Variants in BANK1 observed in about 807,000 individuals in gnomAD.
BANK1 encodes B cell scaffold protein with ankyrin repeats 1.
BANK1 carries 95 observed loss-of-function variants against 94.5 expected under a neutral mutation model. The observed-to-expected ratio is 1.00, with a 90% CI of 0.85 to 1.19. The LOEUF (loss-of-function observed/expected upper bound fraction) is 1.19, where lower values mean the gene tolerates loss of function less well. Among genes scored for constraint, BANK1 ranks in the 50% most tolerant of loss-of-function variants. The pLI, the probability that BANK1 is intolerant of heterozygous loss-of-function variation, is 0.00. For synonymous variants in BANK1, 334 were observed against 308.4 expected, an observed-to-expected ratio of 1.08 and a Z score of -0.87; for missense variants, 987 against 932.2, an observed-to-expected ratio of 1.06 and a Z score of -0.77.
At position 101,861,880 on chromosome 4, in the gene BANK1, A is replaced by G. The variant is rs76226678; in HGVS notation, c.625-646A>G. On this transcript the variant is annotated intron_variant, in intron 3 of 16. Coordinates refer to ENST00000322953, the MANE Select transcript of BANK1 (RefSeq NM_017935.5). ...CAATATTTTTTCACAAAGTTATTCAATAACCTTTTTCACCTTATACATTTG... is the reference window on the plus strand; with the variant it reads ...CAATATTTTTTCACAAAGTTATTCAGTAACCTTTTTCACCTTATACATTTG... Among the ~76,000 whole-genome samples, 322 of 152,202 alleles carry G rather than the reference A, an allele frequency of 2.1e-3. 3 individuals carry two copies. In the East Asian group the frequency reaches 0.044, roughly 21 times the overall value.
chr4:101,892,659 T>A (rs1000634961), intron 5 of BANK1, among the ~76,000 whole-genome samples: 1 of 151,980 alleles, frequency 6.6e-6, no homozygotes, highest in African/African-American at 2.4e-5. Flanking sequence ...AGTCTTAGGA[T>A]AAATGTGATT....
At chr4:101,806,488 A>G (rs779022342) in intron 1 of BANK1, among the ~76,000 whole-genome samples, 1 of 152,192 alleles carries the variant, frequency 6.6e-6, no homozygotes, top group Non-Finnish European at 1.5e-5. Flanking sequence ...CTGGATTTGA[A>G]GTTGAATAAG....
intron 6 of BANK1, among the ~76,000 whole-genome samples, chr4:101,913,417 A>C (rs758454573): frequency 4.9e-4 from 75 of 152,270 alleles, no homozygotes; most frequent in Non-Finnish European, 2.8e-4. Context: ...GTGAGATTTA[A>C]TTTTATTTGA....
At chr4:102,014,704 C>G (rs1483372826) in intron 7 of BANK1, among the ~76,000 whole-genome samples, 2 of 152,092 alleles carry the variant, frequency 1.3e-5, no homozygotes, top group African/African-American at 4.8e-5. Context: ...GTATTATACA[C>G]ACAGGAAACA....
At chr4:101,930,793 A>T (rs1038908918) in intron 7 of BANK1, among the ~76,000 whole-genome samples, 1 of 151,522 alleles carries the variant, frequency 6.6e-6, no homozygotes, top group Admixed American at 6.6e-5. Flanking sequence ...TACATGCTTT[A>T]ACATGGCACT....
At chr4:101,984,854 A>C (rs1725430875) in intron 7 of BANK1, among the ~76,000 whole-genome samples, 2 of 152,132 alleles carry the variant, frequency 1.3e-5, no homozygotes, top group Non-Finnish European at 2.9e-5. Context: ...GTTCTGAGAT[A>C]ATGTAATCAC....
intron 6 of BANK1, among the ~76,000 whole-genome samples, chr4:101,901,508 A>G (rs1418314946): frequency 6.6e-6 from 1 of 152,254 alleles, no homozygotes; most frequent in Non-Finnish European, 1.5e-5. Context: ...TATCAGATAA[A>G]TAAGACTGAG....
intron 7 of BANK1, among the ~76,000 whole-genome samples, chr4:101,946,526 C>A (rs972142542): frequency 1.3e-5 from 2 of 151,890 alleles, no homozygotes; most frequent in Admixed American, 1.3e-4. Flanking sequence ...AATGCAGACG[C>A]CTTTTGTTTC....
chr4:101,851,036 T>C (rs1282187026), intron 2 of BANK1, among the ~76,000 whole-genome samples: 1 of 152,112 alleles, frequency 6.6e-6, no homozygotes, highest in Non-Finnish European at 1.5e-5. Context: ...ATCTCTCGCT[T>C]AAAATAAAAA....
rs538462619 is a variant in BANK1 at position 101,790,864 on chromosome 4, C to T, written c.-17C>T. ...GGCGGGCAGCAGTGCGCAGGCCCCT[C>T]GGCTTCAACCGCCACAATGCTGCCA... On this transcript the variant is annotated 5_prime_UTR_variant, in exon 1 of 17. Coordinates refer to ENST00000322953, the MANE Select transcript of BANK1 (RefSeq NM_017935.5). 21 of 1,536,688 alleles carry T rather than the reference C, an allele frequency of 1.4e-5. No individual in the cohort carries two copies. Among genetic ancestry groups the T allele is most frequent in the Admixed American group, 9.8e-5 (5 of 50,952 alleles).
intron 4 of BANK1, among the ~76,000 whole-genome samples, chr4:101,867,317 C>T (rs879783791): frequency 2.6e-5 from 4 of 151,494 alleles, no homozygotes; most frequent in Non-Finnish European, 5.9e-5. Context: ...GTGAAATTAT[C>T]CTTAATATAG....
chr4:102,067,729 GTAAT>G (rs1413627416), intron 13 of BANK1, among the ~76,000 whole-genome samples: 1 of 151,854 alleles, frequency 6.6e-6, no homozygotes, highest in African/African-American at 2.4e-5. Flanking sequence ...TTCTTTCTTA[GTAAT>G]TAATAGAACA....
At chr4:102,000,281 C>T (rs962901834) in intron 7 of BANK1, among the ~76,000 whole-genome samples, 1 of 144,462 alleles carries the variant, frequency 6.9e-6, no homozygotes, top group Non-Finnish European at 1.5e-5. Context: ...CAAGATTGTG[C>T]CATTGCACTC....
At chr4:101,943,022 T>C (rs1225570469) in intron 7 of BANK1, among the ~76,000 whole-genome samples, 1 of 151,902 alleles carries the variant, frequency 6.6e-6, no homozygotes, top group Non-Finnish European at 1.5e-5. Flanking sequence ...TGAATTCCAA[T>C]GAGCCAATGG....
At chr4:102,030,504 T>C (rs1282009850) in intron 10 of BANK1, among the ~76,000 whole-genome samples, 1 of 151,964 alleles carries the variant, frequency 6.6e-6, no homozygotes, top group Non-Finnish European at 1.5e-5. Flanking sequence ...TTACTAGGTA[T>C]GTGCATGCCA....
intron 1 of BANK1, among the ~76,000 whole-genome samples, chr4:101,792,467 GTGTTT>G (rs1458907194): frequency 6.4e-5 from 6 of 94,334 alleles, no homozygotes; most frequent in East Asian, 2.9e-4. Context: ...GTGTGTGTGT[GTGTTT>G]TTTTTTTTTT....
At position 101,976,109 on chromosome 4, in the gene BANK1, T is replaced by C. The variant is rs1028645860; in HGVS notation, c.1207-45405T>C. On this transcript the variant is annotated intron_variant, in intron 7 of 16. Coordinates refer to ENST00000322953, the MANE Select transcript of BANK1 (RefSeq NM_017935.5). ...GCGCTGAAAGGCATTTAAAGAAACA[T>C]CTCAGGTTTCCAGTTTGTCCAAAGA... is the stretch of plus-strand genomic sequence containing the variant. Among the ~76,000 whole-genome samples the C allele has an allele frequency of 4.6e-5, 7 of 152,258 alleles. No homozygotes were observed. In the South Asian group the frequency reaches 8.3e-4, roughly 18 times the overall value.
chr4:101,940,432 A>T (rs894464049), intron 7 of BANK1, among the ~76,000 whole-genome samples: 4 of 151,764 alleles, frequency 2.6e-5, no homozygotes, highest in African/African-American at 9.7e-5. Context: ...TTAATGAACC[A>T]ATATTGATAC....
At chr4:101,979,408 A>G (rs1397744130) in intron 7 of BANK1, among the ~76,000 whole-genome samples, 1 of 151,972 alleles carries the variant, frequency 6.6e-6, no homozygotes, top group Non-Finnish European at 1.5e-5. Flanking sequence ...TGTTCTGAGT[A>G]GAAAAACTCC....
Sources: allele counts gnomAD v4.1 joint callset (sites outside exome capture counted in the v4.1 genomes callset), GRCh38; gene constraint gnomAD v4.1.1; transcripts MANE v1.5; gene names NCBI Gene and HGNC (gene_info 2026-07-23, HGNC 2026-07-21).